The following RAB3C variants were observed in gnomAD, a reference collection of about 807,000 sequenced individuals.
RAB3C encodes RAB3C, member RAS oncogene family.
RAB3C carries 17 observed loss-of-function variants against 26.4 expected under a neutral mutation model. That is an observed-to-expected ratio of 0.64 (90% CI 0.44 to 0.97). The LOEUF (loss-of-function observed/expected upper bound fraction) is 0.97. Ranked by LOEUF, RAB3C falls within the 50% of genes least tolerant of loss-of-function variation. The probability of loss-of-function intolerance (pLI) is 0.00; values close to 1 mark genes in which losing one functional copy is unlikely to be tolerated. For missense variants in RAB3C, 242 were observed against 281.9 expected (o/e 0.86, Z 1.01); for synonymous variants, 91 against 95.9 (o/e 0.95, Z 0.30).
At chr5:58,719,334 A>G (rs538865625) in intron 2 of RAB3C, among the ~76,000 whole-genome samples, 3 of 152,006 alleles carry the variant, frequency 2.0e-5, no homozygotes, top group Non-Finnish European at 4.4e-5. Context: ...AGAACATGGT[A>G]GTGGATTTTA....
chr5:58,769,021 G>A (rs952209687), intron 3 of RAB3C, among the ~76,000 whole-genome samples: 1 of 152,136 alleles, frequency 6.6e-6, no homozygotes, highest in Non-Finnish European at 1.5e-5. Flanking sequence ...TTGGAAGAAG[G>A]GAGAAGTGGT....
At chr5:58,592,632 T>C (rs4700300) in intron 1 of RAB3C, among the ~76,000 whole-genome samples, 18,145 of 152,152 alleles carry the variant, frequency 0.12, 1,176 homozygotes, top group Admixed American at 0.16. Flanking sequence ...TTTGTTCATC[T>C]GATAATGGTT....
intron 3 of RAB3C, among the ~76,000 whole-genome samples, chr5:58,758,494 A>G (rs1741724013): frequency 6.6e-6 from 1 of 152,180 alleles, no homozygotes; most frequent in African/African-American, 2.4e-5. Flanking sequence ...GTCTAAAAGA[A>G]TATTTTTTAA....
At chr5:58,751,221 G>GA (rs1293290941) in intron 3 of RAB3C, among the ~76,000 whole-genome samples, 2 of 152,118 alleles carry the variant, frequency 1.3e-5, no homozygotes, top group Non-Finnish European at 2.9e-5. Context: ...GCATAACCAA[G>GA]AAAAAATAAA....
intron 3 of RAB3C, among the ~76,000 whole-genome samples, chr5:58,755,859 C>A (rs1741644363): frequency 6.6e-6 from 1 of 151,980 alleles, no homozygotes; most frequent in Non-Finnish European, 1.5e-5. Context: ...TTTAAGTATG[C>A]AAAAGAAGAC....
intron 2 of RAB3C, among the ~76,000 whole-genome samples, chr5:58,716,801 T>TAA (rs541771825): frequency 7.1e-5 from 9 of 127,490 alleles, no homozygotes; most frequent in Non-Finnish European, 1.0e-4. Flanking sequence ...GTTCTCTTAT[T>TAA]AAAAAAAAAA....
At chr5:58,729,986 C>T (rs919795224) in intron 3 of RAB3C, among the ~76,000 whole-genome samples, 1 of 149,590 alleles carries the variant, frequency 6.7e-6, no homozygotes, top group Non-Finnish European at 1.5e-5. Flanking sequence ...AAGTACTAAA[C>T]AGAATTACAT....
chr5:58,820,659 T>G (rs1175641384), intron 3 of RAB3C, among the ~76,000 whole-genome samples: 1 of 152,228 alleles, frequency 6.6e-6, no homozygotes, highest in Admixed American at 6.5e-5. Flanking sequence ...TAACGATTCT[T>G]TGTAATTCCC....
Position 58,857,225 on chromosome 5 carries a change from T to G in RAB3C, c.*5874T>G, listed in dbSNP as rs1356526336. ...TTTTCTTGTAGCTGTATTTGTCTAG[T>G]GGTGCAATTTATACAGTAAATATCT... On this transcript the variant is annotated 3_prime_UTR_variant, in exon 5 of 5. Coordinates refer to ENST00000282878, the MANE Select transcript of RAB3C (RefSeq NM_138453.4). 6.6e-6 allele frequency: 1 copy of G among 152,174 alleles called. No homozygotes were observed. Among genetic ancestry groups the G allele is most frequent in the African/African-American group, 2.4e-5 (1 of 41,444 alleles). The allele number at this position is 152,174 out of a possible 1,614,324, so 9.4% of individuals were successfully genotyped here. A position where few individuals can be genotyped will look rare whatever the true frequency, so the allele number is the denominator to read the frequency against.
intron 2 of RAB3C, among the ~76,000 whole-genome samples, chr5:58,655,897 G>A (rs553136200): frequency 7.0e-6 from 1 of 143,402 alleles, no homozygotes; most frequent in Non-Finnish European, 1.5e-5. Flanking sequence ...CCGGGTTCAC[G>A]CCTTTCTCCT....
At chr5:58,789,013 G>A (rs2112011494) in intron 3 of RAB3C, among the ~76,000 whole-genome samples, 1 of 152,236 alleles carries the variant, frequency 6.6e-6, no homozygotes, top group Non-Finnish European at 1.5e-5. Context: ...AGGAACATGG[G>A]CACGTGAATC....
At chr5:58,696,941 T>C (rs538979545) in intron 2 of RAB3C, among the ~76,000 whole-genome samples, 39 of 152,356 alleles carry the variant, frequency 2.6e-4, no homozygotes, top group African/African-American at 7.9e-4. Context: ...GCTCTGATCT[T>C]ATTTATTTCT....
intron 4 of RAB3C, among the ~76,000 whole-genome samples, chr5:58,850,631 C>T (rs978378429): frequency 6.6e-6 from 1 of 152,284 alleles, no homozygotes; most frequent in Middle Eastern, 3.4e-3. Flanking sequence ...AGAATATGCA[C>T]ACCAAGCCTT....
intron 3 of RAB3C, among the ~76,000 whole-genome samples, chr5:58,748,120 T>C (rs1741437593): frequency 6.6e-6 from 1 of 152,118 alleles, no homozygotes; most frequent in South Asian, 2.1e-4. Flanking sequence ...GTTGTTCATA[T>C]AGTGGAAATG....
At chr5:58,596,348 T>A (rs1327529209) in intron 1 of RAB3C, among the ~76,000 whole-genome samples, 1 of 151,346 alleles carries the variant, frequency 6.6e-6, no homozygotes, top group African/African-American at 2.4e-5. Context: ...TTGTTGACCT[T>A]TCTTTTCTAC....
intron 4 of RAB3C, among the ~76,000 whole-genome samples, chr5:58,844,799 T>C (rs1251600801): frequency 3.3e-5 from 5 of 152,152 alleles, no homozygotes; most frequent in African/African-American, 9.7e-5. Flanking sequence ...CTATTTCCTC[T>C]CTACAGAAAA....
At chr5:58,731,628 G>T (rs1302002648) in intron 3 of RAB3C, among the ~76,000 whole-genome samples, 3 of 152,154 alleles carry the variant, frequency 2.0e-5, no homozygotes, top group Non-Finnish European at 4.4e-5. Flanking sequence ...TTTGCAAACT[G>T]ATCTCTACTT....
At chr5:58,787,490 GT>G (rs1375031155) in intron 3 of RAB3C, among the ~76,000 whole-genome samples, 6 of 152,140 alleles carry the variant, frequency 3.9e-5, no homozygotes, top group African/African-American at 1.4e-4. Context: ...AGAAGAATGT[GT>G]TTTGTCTATA....
rs186847688 is a variant in RAB3C at position 58,748,051 on chromosome 5, G to C, written c.371+21931G>C. On this transcript the variant is annotated intron_variant, in intron 3 of 4. Transcript: ENST00000282878. ...CAGAATGTAATAATAATAACAAAAT[G>C]TGTGTCTGGGAGGTGGAGAACCTTT... Among the ~76,000 whole-genome samples, 351 of 152,178 alleles carry C rather than the reference G, an allele frequency of 2.3e-3. 1 individual carries two copies. The highest frequency in any genetic ancestry group is 3.9e-3 in the Non-Finnish European group (262 of 67,976).
Sources: gnomAD v4.1 joint callset for allele counts (sites outside exome capture counted in the v4.1 genomes callset) on GRCh38, gnomAD v4.1.1 for gene constraint, MANE v1.5 for transcripts, NCBI Gene and HGNC (gene_info 2026-07-23, HGNC 2026-07-21) for gene names.